The following DNM3 variants were observed in gnomAD, a reference collection of about 807,000 sequenced individuals.
DNM3 encodes the protein dynamin-3.
DNM3 carries 47 observed loss-of-function variants against 101.6 expected under a neutral mutation model. That is an observed-to-expected ratio of 0.46 (90% CI 0.37 to 0.59). The LOEUF (loss-of-function observed/expected upper bound fraction) is 0.59. Ranked by LOEUF, DNM3 falls within the 20% of genes least tolerant of loss-of-function variation. DNM3 has a pLI of 0.00. For synonymous variants in DNM3, 385 were observed against 387.9 expected (o/e 0.99, Z 0.09); for missense variants, 849 against 1,085.7 (o/e 0.78, Z 3.06).
chr1:172,332,037 C>A (rs376296510), intron 17 of DNM3, among the ~76,000 whole-genome samples: 112 of 148,600 alleles, frequency 7.5e-4, no homozygotes, highest in African/African-American at 2.3e-3. Flanking sequence ...AGGGCAAAAT[C>A]AAAAAAAAAG....
At chr1:171,866,079 G>A (rs535977646) in intron 1 of DNM3, among the ~76,000 whole-genome samples, 32 of 151,976 alleles carry the variant, frequency 2.1e-4, no homozygotes, top group African/African-American at 7.5e-4. Flanking sequence ...CTTTGTTCTC[G>A]TTGGTGCCCT....
intron 2 of DNM3, among the ~76,000 whole-genome samples, chr1:171,947,407 C>A (rs1427949784): frequency 6.6e-6 from 1 of 152,088 alleles, no homozygotes; most frequent in Non-Finnish European, 1.5e-5. Flanking sequence ...TGTGCATTAT[C>A]CATCAAGGCT....
chr1:172,229,391 A>G (rs1444830985), intron 14 of DNM3, among the ~76,000 whole-genome samples: 1 of 152,214 alleles, frequency 6.6e-6, no homozygotes, highest in African/African-American at 2.4e-5. Flanking sequence ...AGAACTCACA[A>G]TCAAATGGCA....
intron 1 of DNM3, among the ~76,000 whole-genome samples, chr1:171,880,547 G>A (rs916403902): frequency 6.6e-6 from 1 of 152,178 alleles, no homozygotes; most frequent in Non-Finnish European, 1.5e-5. Flanking sequence ...TGAATTTAAA[G>A]AGTCTATGAA....
At chr1:171,888,317 C>T (rs1452171394) in intron 1 of DNM3, among the ~76,000 whole-genome samples, 2 of 152,046 alleles carry the variant, frequency 1.3e-5, no homozygotes, top group Non-Finnish European at 2.9e-5. Context: ...AATTCATTCT[C>T]ACTTAGAGTA....
At chr1:172,186,361 G>A (rs1351956958) in intron 14 of DNM3, among the ~76,000 whole-genome samples, 1 of 151,068 alleles carries the variant, frequency 6.6e-6, no homozygotes, top group Non-Finnish European at 1.5e-5. Context: ...GGACTTGGTT[G>A]TTAACCCTGT....
chr1:172,120,260 G>A (rs1366077137), intron 13 of DNM3, among the ~76,000 whole-genome samples: 3 of 152,164 alleles, frequency 2.0e-5, no homozygotes. Flanking sequence ...GAGAGCATGT[G>A]TAGGGGACCT....
intron 14 of DNM3, among the ~76,000 whole-genome samples, chr1:172,158,257 T>C (rs1461209995): frequency 6.6e-6 from 1 of 151,454 alleles, no homozygotes; most frequent in Non-Finnish European, 1.5e-5. Context: ...AGGGGAAGAA[T>C]AGGAGTAGAT....
At chr1:172,185,917 A>G (rs2059506258) in intron 14 of DNM3, among the ~76,000 whole-genome samples, 2 of 152,070 alleles carry the variant, frequency 1.3e-5, no homozygotes, top group Non-Finnish European at 2.9e-5. Flanking sequence ...TCAAATAAAA[A>G]TTGTTTTTTA....
chr1:172,272,914 T>C (rs1404425583), intron 15 of DNM3, among the ~76,000 whole-genome samples: 2 of 152,074 alleles, frequency 1.3e-5, no homozygotes, highest in Admixed American at 6.6e-5. Flanking sequence ...ATAAAATGCT[T>C]CAAGGACTTT....
At chr1:172,311,227 A>G (rs1356669177) in intron 16 of DNM3, 2 of 151,982 alleles carry the variant, frequency 1.3e-5, no homozygotes, top group African/African-American at 4.8e-5. Context: ...AAATACTGTG[A>G]ATATTATCAT....
intron 1 of DNM3, chr1:171,864,341 T>C (rs1466134049): frequency 6.6e-6 from 1 of 152,190 alleles, no homozygotes; most frequent in African/African-American, 2.4e-5. Flanking sequence ...AAGAACACAT[T>C]TGGTGTAGAA....
chr1:172,032,344 G>A, intron 4 of DNM3, 58 bp from the exon 5 acceptor site: 2 of 1,213,264 alleles, frequency 1.6e-6, no homozygotes, highest in South Asian at 1.2e-5. Flanking sequence ...TGACATATAT[G>A]TCTAAAATTT....
At chr1:172,131,393 C>T in intron 14 of DNM3, 105 bp downstream of exon 14, 1 of 916,876 alleles carries the variant, frequency 1.1e-6, no homozygotes, top group Non-Finnish European at 1.7e-6. Flanking sequence ...GGTTCTCTTT[C>T]AGTGAGATTA....
intron 2 of DNM3, among the ~76,000 whole-genome samples, chr1:171,925,557 G>GT (rs1258373809): frequency 6.6e-6 from 1 of 152,092 alleles, no homozygotes; most frequent in Non-Finnish European, 1.5e-5. Context: ...GGGGTTATTT[G>GT]TTTTTTTCTT....
intron 14 of DNM3, among the ~76,000 whole-genome samples, chr1:172,186,988 G>A (rs567324772): frequency 7.2e-5 from 11 of 152,142 alleles, no homozygotes; most frequent in African/African-American, 2.4e-4. Flanking sequence ...CTCCATGGCC[G>A]AGTCACCTTA....
chr1:172,032,007 C>G (rs938933346), intron 4 of DNM3, among the ~76,000 whole-genome samples: 5 of 152,022 alleles, frequency 3.3e-5, no homozygotes, highest in African/African-American at 1.2e-4. Context: ...CATGCATAAC[C>G]TATTTATTTG....
chr1:171,909,233 G>A (rs935343873), intron 1 of DNM3, among the ~76,000 whole-genome samples: 1 of 152,106 alleles, frequency 6.6e-6, no homozygotes, highest in African/African-American at 2.4e-5. Context: ...TTGAGGTCAG[G>A]AGTTCAAGGC....
intron 14 of DNM3, among the ~76,000 whole-genome samples, chr1:172,241,435 A>G (rs1051826158): frequency 7.9e-5 from 12 of 152,020 alleles, no homozygotes; most frequent in African/African-American, 2.9e-4. Flanking sequence ...TTTACTGGCT[A>G]TTCATTTTTG....
Sources: allele counts gnomAD v4.1 joint callset (sites outside exome capture counted in the v4.1 genomes callset), GRCh38; gene constraint gnomAD v4.1.1; transcripts MANE v1.5; gene names NCBI Gene and HGNC (gene_info 2026-07-23, HGNC 2026-07-21).